Variants in SMAP1 observed in about 807,000 individuals in gnomAD.
The protein encoded by SMAP1 is stromal membrane-associated protein 1.
In SMAP1, 24 loss-of-function variants were observed where a neutral mutation model predicts 58.5. The observed-to-expected ratio is 0.41, with a 90% CI of 0.30 to 0.58. The LOEUF (loss-of-function observed/expected upper bound fraction) is 0.58, where lower values mean the gene tolerates loss of function less well. SMAP1 is among the 20% of genes least tolerant of loss of function. SMAP1 has a pLI of 0.29. For missense variants in SMAP1, 563 were observed against 566.3 expected (o/e 0.99, Z 0.06); for synonymous variants, 216 against 196.6 (o/e 1.10, Z -0.82).
intron 1 of SMAP1, among the ~76,000 whole-genome samples, chr6:70,726,061 G>GGA (rs1768771458): frequency 1.3e-5 from 2 of 152,216 alleles, no homozygotes; most frequent in South Asian, 4.2e-4. Context: ...CCTCTGTCAT[G>GGA]GTCTCAGCTG....
At chr6:70,787,319 C>A (rs1407488032) in intron 4 of SMAP1, among the ~76,000 whole-genome samples, 11 of 151,170 alleles carry the variant, frequency 7.3e-5, no homozygotes, top group African/African-American at 1.5e-4. Context: ...TAAAGACTTA[C>A]ATGTTAGACC....
intron 2 of SMAP1, among the ~76,000 whole-genome samples, chr6:70,737,643 A>G (rs866989764): frequency 1.2e-4 from 18 of 152,298 alleles, no homozygotes; most frequent in Middle Eastern, 3.4e-3. Flanking sequence ...CATTTATCAT[A>G]TGTGTCTTTG....
chr6:70,696,072 C>T (rs1423240452), intron 1 of SMAP1, among the ~76,000 whole-genome samples: 2 of 152,108 alleles, frequency 1.3e-5, no homozygotes, highest in Non-Finnish European at 2.9e-5. Flanking sequence ...TATAGTTTCT[C>T]ATAGTAGCCT....
In SMAP1 at chr6:70,861,731, G is replaced by A. The variant is rs149616588; in HGVS notation, c.*1397G>A. 9 of 1,613,952 alleles carry A rather than the reference G, an allele frequency of 5.6e-6. No homozygotes were observed. Among genetic ancestry groups the A allele is most frequent in the East Asian group, 4.5e-5 (2 of 44,882 alleles). Reference sequence around the variant, plus strand: ...TTGGCTAGATTAACCTTCTCTGTCCGAGTGTGCCACACGAGAACCTGAAGG... The same window carrying A: ...TTGGCTAGATTAACCTTCTCTGTCCAAGTGTGCCACACGAGAACCTGAAGG... On this transcript the variant is annotated 3_prime_UTR_variant, in exon 11 of 11. Coordinates refer to ENST00000370455, the MANE Select transcript of SMAP1 (RefSeq NM_001044305.3).
chr6:70,697,814 T>C (rs188247706), intron 1 of SMAP1, among the ~76,000 whole-genome samples: 4 of 152,336 alleles, frequency 2.6e-5, no homozygotes. Context: ...ACACTTTAAC[T>C]TCATCCCCCA....
intron 7 of SMAP1, among the ~76,000 whole-genome samples, chr6:70,842,860 G>A (rs776842338): frequency 6.6e-6 from 1 of 152,108 alleles, no homozygotes; most frequent in Non-Finnish European, 1.5e-5. Context: ...CTATCCTCAG[G>A]ACCACGCCTA....
intron 1 of SMAP1, among the ~76,000 whole-genome samples, chr6:70,676,175 G>A (rs892416875): frequency 4.7e-4 from 71 of 152,306 alleles, no homozygotes; most frequent in African/African-American, 1.6e-3. Flanking sequence ...ATTGTGCTTA[G>A]TATCTTTTTG....
chr6:70,826,955 A>AAAAAAG (rs1562188652), intron 6 of SMAP1, among the ~76,000 whole-genome samples: 2 of 140,804 alleles, frequency 1.4e-5, no homozygotes, highest in Non-Finnish European at 3.2e-5. Flanking sequence ...AAAAAAAAAA[A>AAAAAAG]AAAAAGAAAA....
intron 4 of SMAP1, among the ~76,000 whole-genome samples, chr6:70,781,869 A>G (rs747537555): frequency 1.8e-4 from 27 of 152,270 alleles, no homozygotes; most frequent in Non-Finnish European, 2.2e-4. Flanking sequence ...AGTTTATACA[A>G]TTGTAGTGTT....
At chr6:70,842,461 C>T (rs2474922) in intron 7 of SMAP1, among the ~76,000 whole-genome samples, 1,695 of 152,144 alleles carry the variant, frequency 0.011, 13 homozygotes, top group Non-Finnish European at 0.015. Flanking sequence ...AAACGGGTGC[C>T]GCTGGGTGAG....
At position 70,705,399 on chromosome 6, in the gene SMAP1, C is replaced by T. The variant is rs1392477799; in HGVS notation, c.119-26979C>T. 3.3e-5 allele frequency among the ~76,000 whole-genome samples: 5 copies of T among 151,864 alleles called. No homozygotes were observed. The East Asian group carries it at 9.7e-4, about 29-fold the overall frequency. ...CCCAAGTAGTTGGGATTACAGGCGC[C>T]TGCCACCATGCCTGGCTAATTTTTT... On this transcript the variant is annotated intron_variant, in intron 1 of 10. Coordinates refer to ENST00000370455, the MANE Select transcript of SMAP1 (RefSeq NM_001044305.3).
At chr6:70,747,410 A>C (rs537187912) in intron 2 of SMAP1, among the ~76,000 whole-genome samples, 1 of 152,198 alleles carries the variant, frequency 6.6e-6, no homozygotes, top group Non-Finnish European at 1.5e-5. Flanking sequence ...TATATGTGTC[A>C]GAGGAGGTAA....
chr6:70,829,591 A>ATCC (rs1770278125), intron 6 of SMAP1, among the ~76,000 whole-genome samples: 1 of 152,234 alleles, frequency 6.6e-6, no homozygotes, highest in African/African-American at 2.4e-5. Context: ...ATAGCCACTT[A>ATCC]CGGAGCCTTT....
chr6:70,685,614 G>GT (rs202055856), intron 1 of SMAP1, among the ~76,000 whole-genome samples: 1,642 of 152,284 alleles, frequency 0.011, 35 homozygotes, highest in African/African-American at 0.037. Flanking sequence ...CATATACTTA[G>GT]TGGACATGCT....
At chr6:70,834,701 C>T (rs181189466) in intron 6 of SMAP1, among the ~76,000 whole-genome samples, 16 of 152,248 alleles carry the variant, frequency 1.1e-4, no homozygotes, top group Admixed American at 7.8e-4. Flanking sequence ...CGTGGCCACA[C>T]GATTCTCAGA....
chr6:70,813,884 A>C (rs1303575012), intron 6 of SMAP1, among the ~76,000 whole-genome samples: 1 of 152,182 alleles, frequency 6.6e-6, no homozygotes, highest in Non-Finnish European at 1.5e-5. Context: ...GACATATACA[A>C]TTTTATCTTT....
At chr6:70,773,306 C>CAT (rs1404295542) in intron 3 of SMAP1, 44 bp from the exon 4 acceptor site, 4 of 1,199,710 alleles carry the variant, frequency 3.3e-6, no homozygotes, top group Non-Finnish European at 4.9e-6. Flanking sequence ...GGGAAGTGTA[C>CAT]ATATCACTGA....
At chr6:70,764,155 T>G (rs929427701) in intron 3 of SMAP1, among the ~76,000 whole-genome samples, 2 of 151,634 alleles carry the variant, frequency 1.3e-5, no homozygotes, top group Non-Finnish European at 2.9e-5. Flanking sequence ...TAAGTAATCC[T>G]CCTGCCTTAC....
At chr6:70,727,644 A>G (rs1005248900) in intron 1 of SMAP1, among the ~76,000 whole-genome samples, 5 of 152,258 alleles carry the variant, frequency 3.3e-5, no homozygotes, top group South Asian at 4.1e-4. Context: ...AATTGGATCT[A>G]GAAAACTCAG....
Sources: gnomAD v4.1 joint callset for allele counts (sites outside exome capture counted in the v4.1 genomes callset) on GRCh38, gnomAD v4.1.1 for gene constraint, MANE v1.5 for transcripts, NCBI Gene and HGNC (gene_info 2026-07-23, HGNC 2026-07-21) for gene names.